ZNF148: variants seen among roughly 807,000 people sequenced by gnomAD.
ZNF148 encodes the protein zinc finger protein 148, also known as Beta-Enolase Repressor Factor-1.
ZNF148 carries 7 observed loss-of-function variants against 67.7 expected under a neutral mutation model. The observed-to-expected ratio is 0.10, with a 90% CI of 0.06 to 0.19. The LOEUF (loss-of-function observed/expected upper bound fraction) is 0.19, where lower values mean the gene tolerates loss of function less well. Ranked by LOEUF, ZNF148 falls within the 10% of genes least tolerant of loss-of-function variation. ZNF148 has a pLI of 1.00. For synonymous variants in ZNF148, 333 were observed against 330.7 expected (o/e 1.01, Z -0.08); for missense variants, 583 against 947.1 (o/e 0.62, Z 5.05).
intron 1 of ZNF148, among the ~76,000 whole-genome samples, chr3:125,332,584 C>T (rs1333678230): frequency 6.6e-6 from 1 of 152,190 alleles, no homozygotes; most frequent in African/African-American, 2.4e-5. Context: ...TGAGTCTCAG[C>T]AAATCACAGT....
intron 1 of ZNF148, among the ~76,000 whole-genome samples, chr3:125,349,484 A>C (rs1312270603): frequency 2.0e-5 from 3 of 152,220 alleles, no homozygotes; most frequent in African/African-American, 7.2e-5. Flanking sequence ...GCAGATGCTC[A>C]CCATCAGTAA....
intron 1 of ZNF148, among the ~76,000 whole-genome samples, chr3:125,361,760 G>C (rs1942548732): frequency 6.6e-6 from 1 of 151,784 alleles, no homozygotes. Flanking sequence ...TTGAACCTGG[G>C]AGGCAGAGGC....
chr3:125,342,992 A>T (rs1941794221), intron 1 of ZNF148, among the ~76,000 whole-genome samples: 2 of 152,252 alleles, frequency 1.3e-5, no homozygotes, highest in South Asian at 4.1e-4. Context: ...TCAAGATGGA[A>T]TCCTAAATAA....
intron 4 of ZNF148, among the ~76,000 whole-genome samples, chr3:125,290,437 C>G (rs1425445501): frequency 6.6e-6 from 1 of 152,164 alleles, no homozygotes; most frequent in Non-Finnish European, 1.5e-5. Flanking sequence ...ATCATTAACT[C>G]AACTCCAGAA....
In ZNF148 at chr3:125,228,953, C is replaced by T. The variant is rs1416579794; in HGVS notation, c.*3388G>A. 6.6e-6 allele frequency: 1 copy of T among 152,380 alleles called. No homozygotes were observed. Among genetic ancestry groups the T allele is most frequent in the Non-Finnish European group, 1.5e-5 (1 of 67,990 alleles). The allele number at this position is 152,380 out of a possible 1,614,324, so 9.4% of individuals were successfully genotyped here. A position where few individuals can be genotyped will look rare whatever the true frequency, so the allele number is the denominator to read the frequency against. On this transcript the variant is annotated 3_prime_UTR_variant, in exon 9 of 9. Coordinates refer to ENST00000360647, the MANE Select transcript of ZNF148 (RefSeq NM_021964.3). Reference sequence around the variant, plus strand: ...TTTGTCTGCTTTAGTTTGTTTCCTACCAAAGTTTAAGTGAAAAAAGGAAAC... The same window carrying T: ...TTTGTCTGCTTTAGTTTGTTTCCTATCAAAGTTTAAGTGAAAAAAGGAAAC...
chr3:125,335,082 T>C (rs1195430008), intron 1 of ZNF148, among the ~76,000 whole-genome samples: 1 of 54,138 alleles, frequency 1.8e-5, no homozygotes, highest in Non-Finnish European at 3.6e-5. Flanking sequence ...TCAATCCCCC[T>C]TTTATTGTTA....
chr3:125,229,337 A>G lies in ZNF148; in HGVS notation c.*3004T>C, dbSNP rs1298457048. ...GAAACGAAATCCTGCCCTGAGCACA[A>G]TTCTTGACATAACTGCCTTCTGCCT... is the stretch of plus-strand genomic sequence containing the variant. On this transcript the variant is annotated 3_prime_UTR_variant, in exon 9 of 9. Coordinates refer to ENST00000360647, the MANE Select transcript of ZNF148 (RefSeq NM_021964.3). 3 of 152,014 alleles carry G rather than the reference A, an allele frequency of 2.0e-5. No homozygotes were observed. Among genetic ancestry groups the G allele is most frequent in the Admixed American group, 6.6e-5 (1 of 15,230 alleles). 9.4% of individuals were successfully genotyped at this position (152,014 alleles called of 1,614,324 possible). A position where few individuals can be genotyped will look rare whatever the true frequency, so the allele number is the denominator to read the frequency against.
intron 3 of ZNF148, among the ~76,000 whole-genome samples, chr3:125,314,105 T>C (rs1041922763): frequency 4.6e-5 from 7 of 152,042 alleles, no homozygotes; most frequent in African/African-American, 1.4e-4. Flanking sequence ...TCAGCAGTAA[T>C]CCAAGAAATT....
At chr3:125,290,312 G>A (rs1031691090) in intron 4 of ZNF148, among the ~76,000 whole-genome samples, 1 of 151,988 alleles carries the variant, frequency 6.6e-6, no homozygotes, top group Admixed American at 6.6e-5. Flanking sequence ...GTTCTTTCTT[G>A]CAAGTTCTAA....
intron 7 of ZNF148, among the ~76,000 whole-genome samples, chr3:125,252,518 C>T (rs1321340049): frequency 6.6e-5 from 10 of 152,118 alleles, no homozygotes; most frequent in African/African-American, 2.2e-4. Context: ...TGGTAGCTCA[C>T]GCCTGTAATC....
rs74717887 is a variant in ZNF148, at chr3:125,252,376, T to C, written c.668-18047A>G. On this transcript the variant is annotated intron_variant, in intron 7 of 8. Transcript: ENST00000360647. ...CATTATTAAAAAAAAAGAAGTTTCA[T>C]TATTTTACCCTCGTATTTAGATCTA... Among the ~76,000 whole-genome samples, 841 of 136,312 alleles carry C rather than the reference T, an allele frequency of 6.2e-3. 7 individuals carry two copies. Among genetic ancestry groups the C allele is most frequent in the African/African-American group, 0.02 (795 of 40,386 alleles). The allele number at this position is 136,312 out of a possible 152,430, so 89.4% of individuals were successfully genotyped here.
intron 4 of ZNF148, among the ~76,000 whole-genome samples, chr3:125,303,779 C>G (rs1486168847): frequency 6.6e-6 from 1 of 151,894 alleles, no homozygotes; most frequent in Non-Finnish European, 1.5e-5. Context: ...ATCCTGAAAC[C>G]ATCTCCACCC....
intron 1 of ZNF148, among the ~76,000 whole-genome samples, chr3:125,374,161 C>A (rs1373681932): frequency 6.6e-6 from 1 of 152,162 alleles, no homozygotes; most frequent in Admixed American, 6.5e-5. Context: ...TAAAATGTCA[C>A]AGACCAAACT....
chr3:125,237,715 A>G (rs1025349318), intron 7 of ZNF148, among the ~76,000 whole-genome samples: 2 of 152,220 alleles, frequency 1.3e-5, no homozygotes, highest in Non-Finnish European at 1.5e-5. Flanking sequence ...TTAATTCTAT[A>G]TATTTGTGGA....
chr3:125,366,271 G>A lies in ZNF148; in HGVS notation c.-234+8831C>T, dbSNP rs564923424. ...GGAAATAATTCTCCATAATCATACAGTGGGTAAACAGAAGAGCCAAGACTA... is the reference window on the plus strand; with the variant it reads ...GGAAATAATTCTCCATAATCATACAATGGGTAAACAGAAGAGCCAAGACTA... On this transcript the variant is annotated intron_variant, in intron 1 of 8. Transcript: ENST00000360647. 2.0e-5 allele frequency among the ~76,000 whole-genome samples: 3 copies of A among 152,316 alleles called. No individual in the cohort carries two copies. The South Asian group carries it at 6.2e-4, about 32-fold the overall frequency.
At chr3:125,262,895 G>A (rs923523716) in intron 7 of ZNF148, among the ~76,000 whole-genome samples, 3 of 152,072 alleles carry the variant, frequency 2.0e-5, no homozygotes, top group Non-Finnish European at 2.9e-5. Flanking sequence ...ACAAAGTACT[G>A]GTCACAAATA....
chr3:125,348,648 G>T (rs1035783113), intron 1 of ZNF148, among the ~76,000 whole-genome samples: 2 of 152,098 alleles, frequency 1.3e-5, no homozygotes, highest in African/African-American at 4.8e-5. Context: ...TGGATTAGAA[G>T]ACTTAATGTT....
chr3:125,345,584 C>CAAT, intron 1 of ZNF148, among the ~76,000 whole-genome samples: 1 of 151,318 alleles, frequency 6.6e-6, no homozygotes, highest in South Asian at 2.1e-4. Context: ...TCAAAACTAA[C>CAAT]AACAACAACA....
At position 125,323,444 on chromosome 3, in the gene ZNF148, C is replaced by T. The variant is rs763284512; in HGVS notation, c.-152G>A. 8 of 678,732 alleles carry T rather than the reference C, an allele frequency of 1.2e-5. No individual in the cohort carries two copies. In the South Asian group the frequency reaches 1.3e-4, roughly 11 times the overall value. The allele number at this position is 678,732 out of a possible 1,614,324, so 42.0% of individuals were successfully genotyped here. ...CCTTAATCACTTATGCCATCCGATTCCTACAATAAAACACACACACAACAA... is the reference window on the plus strand; with the variant it reads ...CCTTAATCACTTATGCCATCCGATTTCTACAATAAAACACACACACAACAA... On this transcript the variant is annotated splice_region_variant and 5_prime_UTR_variant, in exon 3 of 9. Coordinates refer to ENST00000360647, the MANE Select transcript of ZNF148 (RefSeq NM_021964.3).
Sources: allele counts gnomAD v4.1 joint callset (sites outside exome capture counted in the v4.1 genomes callset), GRCh38; gene constraint gnomAD v4.1.1; transcripts MANE v1.5; gene names NCBI Gene and HGNC (gene_info 2026-07-23, HGNC 2026-07-21).